The following MALRD1 variants were observed in gnomAD, a reference collection of about 807,000 sequenced individuals.
MALRD1 encodes MAM and LDL-receptor class A domain-containing protein 1.
Under a neutral mutation model 242.1 loss-of-function variants are expected in MALRD1, and 247 were observed. The ratio of observed to expected loss-of-function variants is 1.02; its 90% confidence interval spans 0.92 to 1.13. The LOEUF is 1.13. Among genes scored for constraint, MALRD1 ranks in the 50% most tolerant of loss-of-function variants. The pLI is 0.00. For synonymous variants in MALRD1, 995 were observed against 866.6 expected (o/e 1.15, Z -2.60); for missense variants, 2,989 against 2,533.1 (o/e 1.18, Z -3.86).
chr10:19,118,080 A>G (rs886661530), intron 5 of MALRD1, among the ~76,000 whole-genome samples: 4 of 152,212 alleles, frequency 2.6e-5, no homozygotes, highest in African/African-American at 4.8e-5. Flanking sequence ...AAAGCAAAAA[A>G]CTGTGATAAG....
intron 36 of MALRD1, among the ~76,000 whole-genome samples, chr10:19,619,700 A>G (rs1273639176): frequency 6.6e-6 from 1 of 152,070 alleles, no homozygotes; most frequent in Non-Finnish European, 1.5e-5. Context: ...TACTGACATC[A>G]TTGCATTGCA....
intron 5 of MALRD1, among the ~76,000 whole-genome samples, chr10:19,115,735 G>A (rs1836849161): frequency 6.6e-6 from 1 of 152,088 alleles, no homozygotes; most frequent in South Asian, 2.1e-4. Context: ...AATTAGCCAG[G>A]TGTGGTGGCA....
At chr10:19,120,988 C>T (rs1837039990) in intron 5 of MALRD1, among the ~76,000 whole-genome samples, 1 of 151,594 alleles carries the variant, frequency 6.6e-6, no homozygotes, top group African/African-American at 2.4e-5. Flanking sequence ...AGGTGATCTA[C>T]CTGCCTCAGC....
chr10:19,193,339 T>C (rs1427744879), intron 14 of MALRD1, among the ~76,000 whole-genome samples: 1 of 152,128 alleles, frequency 6.6e-6, no homozygotes, highest in Admixed American at 6.5e-5. Flanking sequence ...GAGGATCGCT[T>C]AAGCCCAGGA....
intron 18 of MALRD1, among the ~76,000 whole-genome samples, chr10:19,218,780 C>T (rs1046895813): frequency 1.3e-5 from 2 of 151,994 alleles, no homozygotes; most frequent in African/African-American, 4.8e-5. Context: ...GATCTTCATC[C>T]ATATTATTCA....
intron 31 of MALRD1, among the ~76,000 whole-genome samples, chr10:19,504,974 G>T (rs977888204): frequency 2.0e-5 from 3 of 152,032 alleles, no homozygotes; most frequent in Non-Finnish European, 2.9e-5. Flanking sequence ...GAGCCACCGC[G>T]CCCGGCCTGT....
intron 36 of MALRD1, among the ~76,000 whole-genome samples, chr10:19,661,164 G>A (rs1206895158): frequency 5.3e-5 from 8 of 152,140 alleles, no homozygotes; most frequent in Admixed American, 5.2e-4. Context: ...TGGAGAAATA[G>A]GAACGCTTTT....
chr10:19,494,345 A>G (rs1837621634), intron 30 of MALRD1, among the ~76,000 whole-genome samples: 1 of 152,200 alleles, frequency 6.6e-6, no homozygotes, highest in African/African-American at 2.4e-5. Flanking sequence ...GAACCAGTGA[A>G]AGAACTCTGG....
At chr10:19,733,833 A>G (rs1373609838) in intron 39 of MALRD1, among the ~76,000 whole-genome samples, 2 of 151,986 alleles carry the variant, frequency 1.3e-5, no homozygotes, top group African/African-American at 4.8e-5. Flanking sequence ...TGTCTAACCT[A>G]ACTATATTCA....
chr10:19,106,358 TTC>T (rs1836462735), intron 5 of MALRD1, among the ~76,000 whole-genome samples: 1 of 151,902 alleles, frequency 6.6e-6, no homozygotes, highest in Non-Finnish European at 1.5e-5. Flanking sequence ...TGTTCAGATT[TTC>T]TCTTTCTTCA....
At chr10:19,466,701 A>AT (rs1238584862) in intron 29 of MALRD1, among the ~76,000 whole-genome samples, 4 of 152,200 alleles carry the variant, frequency 2.6e-5, no homozygotes, top group South Asian at 4.1e-4. Flanking sequence ...AGTGTCTTGA[A>AT]TTTTTTATTT....
chr10:19,257,589 G>T, intron 18 of MALRD1, 95 bp from the exon 19 acceptor site: 2 of 954,348 alleles, frequency 2.1e-6, no homozygotes, highest in East Asian at 2.7e-5. Context: ...TTATATTTGG[G>T]TACATTTTAA....
intron 7 of MALRD1, among the ~76,000 whole-genome samples, chr10:19,125,827 T>G (rs1232248991): frequency 2.6e-5 from 4 of 152,054 alleles, no homozygotes; most frequent in African/African-American, 9.7e-5. Flanking sequence ...TTGTAATTAT[T>G]AAGTTTATAT....
chr10:19,655,861 G>A (rs1050201243), intron 36 of MALRD1, among the ~76,000 whole-genome samples: 1 of 152,040 alleles, frequency 6.6e-6, no homozygotes. Flanking sequence ...GTCTGAGTAA[G>A]TATCTGGGTC....
chr10:19,179,092 A>G (rs925610346), intron 14 of MALRD1, among the ~76,000 whole-genome samples: 1 of 152,200 alleles, frequency 6.6e-6, no homozygotes, highest in African/African-American at 2.4e-5. Context: ...AGCGCTCAAA[A>G]CACAAGAGCA....
At chr10:19,238,562 TATAATATAC>T (rs1838596092) in intron 18 of MALRD1, among the ~76,000 whole-genome samples, 1 of 122,898 alleles carries the variant, frequency 8.1e-6, no homozygotes, top group South Asian at 2.2e-4. Context: ...GTATATTATA[TATAATATAC>T]ATAATGTATA....
At chr10:19,217,369 C>G (rs533046523) in intron 18 of MALRD1, among the ~76,000 whole-genome samples, 1 of 152,146 alleles carries the variant, frequency 6.6e-6, no homozygotes, top group East Asian at 1.9e-4. Context: ...GCCACTTTTC[C>G]CCTGAAACAT....
chr10:19,493,040 T>G (rs926406892), intron 30 of MALRD1, among the ~76,000 whole-genome samples: 1 of 152,204 alleles, frequency 6.6e-6, no homozygotes, highest in East Asian at 1.9e-4. Context: ...CCATTTAAAA[T>G]GTATAATTTA....
intron 31 of MALRD1, among the ~76,000 whole-genome samples, chr10:19,504,929 G>A (rs995375017): frequency 1.3e-5 from 2 of 151,808 alleles, no homozygotes; most frequent in Non-Finnish European, 2.9e-5. Context: ...TGATCCACCC[G>A]CCTCGGCCTC....
Sources: gnomAD v4.1 joint callset for allele counts (sites outside exome capture counted in the v4.1 genomes callset) on GRCh38, gnomAD v4.1.1 for gene constraint, MANE v1.5 for transcripts, NCBI Gene and HGNC (gene_info 2026-07-23, HGNC 2026-07-21) for gene names.